Variants in VPS13A observed in about 807,000 individuals in gnomAD.
VPS13A encodes the protein vacuolar protein sorting 13 homolog A, also known as intermembrane lipid transfer protein VPS13A.
In VPS13A, 264 loss-of-function variants were observed where a neutral mutation model predicts 390.9. The ratio of observed to expected loss-of-function variants is 0.68; its 90% confidence interval spans 0.61 to 0.75. The LOEUF (loss-of-function observed/expected upper bound fraction) is 0.75, where lower values mean the gene tolerates loss of function less well. VPS13A is among the 30% of genes least tolerant of loss of function. VPS13A has a pLI of 0.00. For synonymous variants in VPS13A, 1,231 were observed against 1,227.1 expected (o/e 1.00, Z -0.07); for missense variants, 3,409 against 3,733.9 (o/e 0.91, Z 2.27).
chr9:77,224,392 GA>G (rs1823392127), intron 13 of VPS13A, among the ~76,000 whole-genome samples: 1 of 152,134 alleles, frequency 6.6e-6, no homozygotes, highest in Admixed American at 6.5e-5. Flanking sequence ...AAACCCTCTG[GA>G]AAGGATTTGC....
chr9:77,205,560 T>G, intron 4 of VPS13A, 152 bp downstream of exon 4: 1 of 337,954 alleles, frequency 3.0e-6, no homozygotes, highest in Non-Finnish European at 5.2e-6. Flanking sequence ...TTACTCTACA[T>G]TTTTGGCAAC....
At chr9:77,384,679 A>C in intron 68 of VPS13A, 1 of 1,600,576 alleles carries the variant, frequency 6.2e-7, no homozygotes, top group Non-Finnish European at 8.5e-7. Flanking sequence ...GATCTAAACC[A>C]TTAAAATTCA....
At chr9:77,367,736 A>C (rs111575593) in intron 61 of VPS13A, among the ~76,000 whole-genome samples, 157 of 152,330 alleles carry the variant, frequency 1.0e-3, no homozygotes, top group African/African-American at 3.6e-3. Flanking sequence ...ATGATAGGAC[A>C]GAATTGGGAA....
chr9:77,401,782 A>C (rs1266136812), intron 68 of VPS13A, among the ~76,000 whole-genome samples: 2 of 152,358 alleles, frequency 1.3e-5, no homozygotes, highest in East Asian at 3.9e-4. Context: ...TGCTTTCTGC[A>C]GTTTCAGTTA....
intron 59 of VPS13A, among the ~76,000 whole-genome samples, chr9:77,363,475 T>C (rs921827158): frequency 1.4e-5 from 2 of 142,326 alleles, no homozygotes; most frequent in Admixed American, 1.5e-4. Context: ...AAAAGCAATC[T>C]CAGCTCACTA....
intron 67 of VPS13A, among the ~76,000 whole-genome samples, chr9:77,375,551 G>C (rs2131598974): frequency 6.6e-6 from 1 of 152,200 alleles, no homozygotes; most frequent in South Asian, 2.1e-4. Flanking sequence ...ATGATAAAAA[G>C]AACTAAGTAG....
At chr9:77,260,253 C>T (rs1825679725) in intron 23 of VPS13A, 29 bp downstream of exon 23, 1 of 1,603,808 alleles carries the variant, frequency 6.2e-7, no homozygotes, top group African/African-American at 1.3e-5. Context: ...TTAATATAAG[C>T]ATGAATTAAG....
intron 1 of VPS13A, among the ~76,000 whole-genome samples, chr9:77,185,875 C>T (rs1395854115): frequency 6.6e-6 from 1 of 152,198 alleles, no homozygotes; most frequent in South Asian, 2.1e-4. Flanking sequence ...GCCTGTAATT[C>T]CAGCATTTTG....
chr9:77,385,448 TATG>T (rs55857201), intron 68 of VPS13A, among the ~76,000 whole-genome samples: 11,494 of 152,042 alleles, frequency 0.076, 540 homozygotes, highest in Middle Eastern at 0.099. Flanking sequence ...ATATTTCTAT[TATG>T]AATTCAGAAT....
chr9:77,379,936 A>C (rs1341889413), intron 67 of VPS13A, among the ~76,000 whole-genome samples: 1 of 152,072 alleles, frequency 6.6e-6, no homozygotes, highest in Non-Finnish European at 1.5e-5. Flanking sequence ...TCCATTTTTG[A>C]AAGTAGGTTG....
At chr9:77,309,040 G>A (rs1661946869) in intron 35 of VPS13A, among the ~76,000 whole-genome samples, 1 of 152,026 alleles carries the variant, frequency 6.6e-6, no homozygotes, top group South Asian at 2.1e-4. Context: ...GTTTTCTGAA[G>A]GAAACAGACA....
At chr9:77,180,973 A>G (rs749797654) in intron 1 of VPS13A, among the ~76,000 whole-genome samples, 4 of 151,752 alleles carry the variant, frequency 2.6e-5, no homozygotes. Flanking sequence ...TTGCTTGAGC[A>G]TAGGAGTTTG....
chr9:77,214,058 T>C (rs1343657438), intron 9 of VPS13A, among the ~76,000 whole-genome samples: 1 of 151,918 alleles, frequency 6.6e-6, no homozygotes. Flanking sequence ...GGTGGATCAC[T>C]TGAGGTCAAG....
At chr9:77,344,323 TA>T (rs780972127) in intron 51 of VPS13A, 42 bp downstream of exon 51, 1 of 1,588,402 alleles carries the variant, frequency 6.3e-7, no homozygotes, top group South Asian at 1.1e-5. Flanking sequence ...TTAGGAAAGC[TA>T]AAATATACTG....
At chr9:77,318,647 C>A in intron 41 of VPS13A, 56 bp downstream of exon 41, 1 of 1,337,428 alleles carries the variant, frequency 7.5e-7, no homozygotes, top group Non-Finnish European at 1.1e-6. Context: ...AATATTATGA[C>A]AGATAATGAT....
chr9:77,313,567 G>A (rs1829215437), intron 35 of VPS13A, among the ~76,000 whole-genome samples: 1 of 152,088 alleles, frequency 6.6e-6, no homozygotes, highest in Admixed American at 6.6e-5. Flanking sequence ...AACAAATTTT[G>A]AATTCTTCTG....
intron 68 of VPS13A, among the ~76,000 whole-genome samples, chr9:77,383,184 A>G (rs1420574524): frequency 6.6e-6 from 1 of 152,054 alleles, no homozygotes; most frequent in Admixed American, 6.6e-5. Context: ...TGCATAAAAT[A>G]TACTTCTAAC....
rs962160540 is a variant in VPS13A at position 77,360,466 on chromosome 9, C to G, written c.8106-70C>G. 18 of 1,160,054 alleles carry G rather than the reference C, an allele frequency of 1.6e-5. 1 individual carries two copies. In the East Asian group the frequency reaches 4.0e-4, roughly 26 times the overall value. The allele number at this position is 1,160,054 out of a possible 1,614,324, so 71.9% of individuals were successfully genotyped here. On this transcript the variant is annotated intron_variant, in intron 58 of 71. Coordinates refer to ENST00000360280, the MANE Select transcript of VPS13A (RefSeq NM_033305.3). Reference sequence around the variant, plus strand: ...TCTAATATTGATCTCATACTTTTTTCTCATCTAATTTTTGTAATACAGTTG... The same window carrying G: ...TCTAATATTGATCTCATACTTTTTTGTCATCTAATTTTTGTAATACAGTTG...
At chr9:77,407,438 A>G in intron 70 of VPS13A, 95 bp from the exon 71 acceptor site, 2 of 980,250 alleles carry the variant, frequency 2.0e-6, no homozygotes, top group Non-Finnish European at 3.2e-6. Flanking sequence ...TAAGAGGGAC[A>G]CTTTAGGCAT....
Sources: allele counts gnomAD v4.1 joint callset (sites outside exome capture counted in the v4.1 genomes callset), GRCh38; gene constraint gnomAD v4.1.1; transcripts MANE v1.5; gene names NCBI Gene and HGNC (gene_info 2026-07-23, HGNC 2026-07-21).